Variants in TEX14 observed in about 807,000 individuals in gnomAD.
TEX14 encodes the protein testis expressed 14, intercellular bridge forming factor.
TEX14 carries 168 observed loss-of-function variants against 178.6 expected under a neutral mutation model. The ratio of observed to expected loss-of-function variants is 0.94; its 90% confidence interval spans 0.83 to 1.07. TEX14 has a LOEUF of 1.07. TEX14 is among the 50% of genes least tolerant of loss of function. The pLI, the probability that TEX14 is intolerant of heterozygous loss-of-function variation, is 0.00. For synonymous variants in TEX14, 626 were observed against 634.1 expected (o/e 0.99, Z 0.19); for missense variants, 1,730 against 1,753.6 (o/e 0.99, Z 0.24).
chr17:58,630,340 G>T, intron 3 of TEX14, 100 bp downstream of exon 3: 1 of 875,080 alleles, frequency 1.1e-6, no homozygotes, highest in Non-Finnish European at 1.8e-6. Flanking sequence ...ATAGGTATGA[G>T]ACACCGCACC....
At chr17:58,668,162 CT>C (rs956677903) in intron 1 of TEX14, among the ~76,000 whole-genome samples, 4 of 152,168 alleles carry the variant, frequency 2.6e-5, no homozygotes, top group African/African-American at 7.2e-5. Flanking sequence ...CCTCTTACCC[CT>C]GATGTTTCCT....
intron 1 of TEX14, among the ~76,000 whole-genome samples, chr17:58,681,382 T>A (rs1242613242): frequency 6.6e-6 from 1 of 152,204 alleles, no homozygotes. Context: ...GATTCTGTGA[T>A]GCAACCAGAC....
intron 10 of TEX14, among the ~76,000 whole-genome samples, chr17:58,608,104 G>A (rs900486391): frequency 1.3e-5 from 2 of 152,000 alleles, no homozygotes; most frequent in African/African-American, 2.4e-5. Context: ...GCAACATGGC[G>A]TGACCTTATC....
chr17:58,611,026 G>A (rs999726451), intron 10 of TEX14, 135 bp downstream of exon 10: 5 of 650,866 alleles, frequency 7.7e-6, no homozygotes, highest in Non-Finnish European at 1.4e-5. Flanking sequence ...AAGGCATTTG[G>A]GACAGGTTCA....
chr17:58,631,419 C>T (rs2046285323), intron 2 of TEX14, among the ~76,000 whole-genome samples: 1 of 152,136 alleles, frequency 6.6e-6, no homozygotes, highest in Non-Finnish European at 1.5e-5. Flanking sequence ...TGCCATTGCA[C>T]TCCAGGACCA....
At chr17:58,557,139 A>G (rs1237620211) in intron 31 of TEX14, 92 bp from the exon 32 acceptor site, 27 of 1,062,088 alleles carry the variant, frequency 2.5e-5, no homozygotes, top group Non-Finnish European at 3.8e-5. Flanking sequence ...TTTCTATTCA[A>G]TTAAATTCAA....
intron 1 of TEX14, among the ~76,000 whole-genome samples, chr17:58,665,226 A>C (rs574561016): frequency 6.6e-6 from 1 of 152,108 alleles, no homozygotes; most frequent in Admixed American, 6.5e-5. Context: ...TCCTGGTCTC[A>C]AGCCATCCTC....
chr17:58,592,087 A>T (rs1398258720), intron 15 of TEX14, among the ~76,000 whole-genome samples: 1 of 151,888 alleles, frequency 6.6e-6, no homozygotes, highest in Admixed American at 6.6e-5. Context: ...AAAGAAAAAA[A>T]AATTATTGCC....
intron 1 of TEX14, chr17:58,660,938 C>A: frequency 9.9e-7 from 1 of 1,010,500 alleles, no homozygotes; most frequent in South Asian, 1.3e-5. Context: ...GTCTTTCTCT[C>A]CCAGGATCTT....
chr17:58,602,078 A>T, intron 12 of TEX14, 122 bp from the exon 13 acceptor site: 2 of 998,242 alleles, frequency 2.0e-6, no homozygotes, highest in South Asian at 3.2e-5. Flanking sequence ...GACTGACTTT[A>T]GTCCTAATTA....
chr17:58,581,244 G>T (rs2144396417), intron 19 of TEX14, among the ~76,000 whole-genome samples: 1 of 151,550 alleles, frequency 6.6e-6, no homozygotes, highest in African/African-American at 2.4e-5. Flanking sequence ...CCGGGAGGCA[G>T]AGGATGCGGT....
Position 58,684,714 on chromosome 17 carries a change from A to G in TEX14, c.-2+7225T>C, listed in dbSNP as rs973947189. Among the ~76,000 whole-genome samples the G allele has an allele frequency of 5.3e-5, 8 of 152,004 alleles. No individual in the cohort carries two copies. In the East Asian group the frequency reaches 1.5e-3, roughly 29 times the overall value. On this transcript the variant is annotated intron_variant, in intron 1 of 31. Transcript: ENST00000349033. The stretch of plus-strand genomic sequence containing the variant: ...CTTCCTCCTACCACTTATTTTTTAA[A>G]AACTCATATAGATTAATAGGGAGGC...
intron 1 of TEX14, among the ~76,000 whole-genome samples, chr17:58,652,317 CACA>C (rs1296105334): frequency 2.0e-5 from 3 of 152,152 alleles, no homozygotes; most frequent in African/African-American, 7.2e-5. Context: ...CCATAATCCC[CACA>C]ACGTCATGGG....
intron 5 of TEX14, among the ~76,000 whole-genome samples, chr17:58,618,424 C>G (rs2045925797): frequency 6.6e-6 from 1 of 152,234 alleles, no homozygotes; most frequent in African/African-American, 2.4e-5. Context: ...CTGTTCTTCC[C>G]ACATTCCACA....
chr17:58,614,390 T>C (rs1176413550), intron 8 of TEX14, among the ~76,000 whole-genome samples: 1 of 152,216 alleles, frequency 6.6e-6, no homozygotes, highest in Non-Finnish European at 1.5e-5. Flanking sequence ...CTCAGGAGGC[T>C]GAGGCCTGGG....
chr17:58,595,427 A>C (rs1355999425), intron 14 of TEX14, among the ~76,000 whole-genome samples: 2 of 152,132 alleles, frequency 1.3e-5, no homozygotes, highest in Non-Finnish European at 2.9e-5. Flanking sequence ...GCTAGAGTCT[A>C]TTTCCCCACC....
rs750863578 is a variant in TEX14, at chr17:58,561,543, T to C, written c.4134A>G (p.Gln1378=). The C allele has an allele frequency of 8.1e-6, 13 of 1,613,724 alleles. 1 individual carries two copies. The highest frequency in any genetic ancestry group is 1.6e-4 in the Middle Eastern group (1 of 6,062). Residue 1378 remains glutamine, a synonymous_variant, in exon 29 of 32, where the codon CAA becomes CAG. Transcript: ENST00000349033. ...ACCTTTCAGAGCCCTTGGGAAGGTC[T>C]TGTAGCTCCACGCTCTCCTCAGGTG... The part of the protein sequence containing the change: ...LQPPEESVEL[Q]DLPKGSERET...
chr17:58,574,228 C>T lies in TEX14; in HGVS notation c.3342G>A (p.Glu1114=). The T allele has an allele frequency of 6.2e-7, 1 of 1,613,480 alleles. No homozygotes were observed. ...PVRSTEDEQE[E]TSKESPKELK... is the part of the protein sequence containing the mutation. ...GTTCCTTTGGTGACTCCTTTGATGT[C>T]TCTTCTTGTTCATCTTCAGTACTGT... The change falls in exon 22 of 32, where the codon GAG becomes GAA. Residue 1114 remains glutamate (E), a synonymous_variant. Transcript: ENST00000349033.
Position 58,587,701 on chromosome 17 carries a change from C to T in TEX14, c.2703-35G>A, listed in dbSNP as rs370926625. 19 of 1,461,412 alleles carry T rather than the reference C, an allele frequency of 1.3e-5. No individual in the cohort carries two copies. The Middle Eastern group carries it at 5.3e-4, about 40-fold the overall frequency. The allele number at this position is 1,461,412 out of a possible 1,614,324, so 90.5% of individuals were successfully genotyped here. Reference sequence around the variant, plus strand: ...ACGGGTTTTTTGGAGGTAGGGGGAGCGGGGTGGACACAAACACATCAGTTT... The same window carrying T: ...ACGGGTTTTTTGGAGGTAGGGGGAGTGGGGTGGACACAAACACATCAGTTT... On this transcript the variant is annotated intron_variant, in intron 16 of 31. Transcript: ENST00000349033.
Sources: gnomAD v4.1 joint callset for allele counts (sites outside exome capture counted in the v4.1 genomes callset) on GRCh38, gnomAD v4.1.1 for gene constraint, MANE v1.5 for transcripts, NCBI Gene and HGNC (gene_info 2026-07-23, HGNC 2026-07-21) for gene names.